SLC24A2: variants seen among roughly 807,000 people sequenced by gnomAD.
The protein encoded by SLC24A2 is sodium/potassium/calcium exchanger 2.
SLC24A2 carries 36 observed loss-of-function variants against 62.0 expected under a neutral mutation model. That is an observed-to-expected ratio of 0.58 (90% confidence interval 0.44 to 0.77). SLC24A2 has a LOEUF of 0.77. Ranked by LOEUF, SLC24A2 falls within the 30% of genes least tolerant of loss-of-function variation. The probability of loss-of-function intolerance (pLI) is 0.00; values close to 1 mark genes in which losing one functional copy is unlikely to be tolerated. For synonymous variants in SLC24A2, 358 were observed against 294.0 expected (o/e 1.22, Z -2.23); for missense variants, 846 against 817.9 (o/e 1.03, Z -0.42).
At chr9:19,650,833 G>A (rs1027597490) in intron 2 of SLC24A2, among the ~76,000 whole-genome samples, 4 of 151,846 alleles carry the variant, frequency 2.6e-5, no homozygotes, top group Admixed American at 2.0e-4. Flanking sequence ...GTGTGTGTGT[G>A]TGTGTGTGTG....
chr9:19,830,645 AG>A, the SLC24A2 span, among the ~76,000 whole-genome samples: 1 of 152,172 alleles, frequency 6.6e-6, no homozygotes, highest in Admixed American at 6.5e-5. Context: ...GGCCACAAAA[AG>A]TTCATCTGAG....
chr9:19,878,368 T>C, the SLC24A2 span, among the ~76,000 whole-genome samples: 65 of 152,336 alleles, frequency 4.3e-4, no homozygotes, highest in East Asian at 0.011. Flanking sequence ...GGATGAGCAC[T>C]TGGATTTTTA....
intron 8 of SLC24A2, among the ~76,000 whole-genome samples, chr9:19,530,545 A>G (rs983640990): frequency 2.0e-5 from 3 of 152,234 alleles, no homozygotes; most frequent in African/African-American, 4.8e-5. Flanking sequence ...GAATCAAATC[A>G]TTTGAACATA....
intron 2 of SLC24A2, among the ~76,000 whole-genome samples, chr9:19,749,566 T>C (rs1821925453): frequency 6.6e-6 from 1 of 152,180 alleles, no homozygotes; most frequent in Admixed American, 6.6e-5. Flanking sequence ...CTAGGCATTA[T>C]AAGAAATGTT....
rs1832846620 is a variant in SLC24A2 at position 19,514,336 on chromosome 9, G to T, written c.*1817C>A. 6.6e-6 allele frequency: 1 copy of T among 152,172 alleles called. No homozygotes were observed. The highest frequency in any genetic ancestry group is 1.5e-5 in the Non-Finnish European group (1 of 68,038). 9.4% of individuals were successfully genotyped at this position (152,172 alleles called of 1,614,324 possible). On this transcript the variant is annotated 3_prime_UTR_variant, in exon 11 of 11. Coordinates refer to ENST00000341998, the MANE Select transcript of SLC24A2 (RefSeq NM_020344.4). ...GGCGTCAATGACAGAATAGATTGGAGATAGGAACACATATGGTGAAATTTC... is the reference window on the plus strand; with the variant it reads ...GGCGTCAATGACAGAATAGATTGGATATAGGAACACATATGGTGAAATTTC...
the SLC24A2 span, among the ~76,000 whole-genome samples, chr9:20,251,915 T>C: frequency 6.6e-6 from 1 of 152,212 alleles, no homozygotes; most frequent in Non-Finnish European, 1.5e-5. Flanking sequence ...AGAACGGGAT[T>C]GGCCTGCCTC....
At chr9:19,780,552 C>T (rs896020526) in intron 2 of SLC24A2, among the ~76,000 whole-genome samples, 4 of 151,578 alleles carry the variant, frequency 2.6e-5, no homozygotes, top group African/African-American at 9.7e-5. Flanking sequence ...AGGTGTGAGC[C>T]ACCGCGCCCG....
chr9:19,707,554 C>T (rs978609258), intron 2 of SLC24A2, among the ~76,000 whole-genome samples: 1 of 150,762 alleles, frequency 6.6e-6, no homozygotes, highest in African/African-American at 2.5e-5. Context: ...AGCTTATCCA[C>T]CATGATCAAG....
At chr9:19,824,477 C>T in the SLC24A2 span, among the ~76,000 whole-genome samples, 1 of 152,190 alleles carries the variant, frequency 6.6e-6, no homozygotes, top group African/African-American at 2.4e-5. Flanking sequence ...GAGATACCAT[C>T]TCATGTCAGT....
the SLC24A2 span, among the ~76,000 whole-genome samples, chr9:19,856,118 T>C: frequency 6.6e-6 from 1 of 152,220 alleles, no homozygotes; most frequent in Admixed American, 6.5e-5. Context: ...TTGTGTTGTG[T>C]TTTTCAGCTC....
At chr9:20,205,649 T>TAAAAAAA in the SLC24A2 span, among the ~76,000 whole-genome samples, 8 of 65,340 alleles carry the variant, frequency 1.2e-4, no homozygotes, top group African/African-American at 3.3e-4. Flanking sequence ...AGACTCCATC[T>TAAAAAAA]AAAAAAAAAA....
chr9:19,943,588 A>C, the SLC24A2 span, among the ~76,000 whole-genome samples: 1 of 152,204 alleles, frequency 6.6e-6, no homozygotes, highest in Non-Finnish European at 1.5e-5. Context: ...TACTAAAAGA[A>C]AACTCAAGAG....
intron 2 of SLC24A2, among the ~76,000 whole-genome samples, chr9:19,729,675 T>C (rs1027059460): frequency 3.0e-4 from 46 of 151,858 alleles, no homozygotes; most frequent in African/African-American, 9.9e-4. Flanking sequence ...GGTGATCTCA[T>C]AGAAGTAAAA....
chr9:20,128,019 C>T, the SLC24A2 span, among the ~76,000 whole-genome samples: 21 of 152,076 alleles, frequency 1.4e-4, no homozygotes, highest in East Asian at 3.7e-3. Flanking sequence ...TGTAGGAATG[C>T]CAATTCCATT....
chr9:19,940,723 C>T, the SLC24A2 span, among the ~76,000 whole-genome samples: 1 of 152,182 alleles, frequency 6.6e-6, no homozygotes, highest in Non-Finnish European at 1.5e-5. Context: ...TGAGAAGTTA[C>T]AAAAAGGTGA....
chr9:20,075,422 G>C, the SLC24A2 span, among the ~76,000 whole-genome samples: 3 of 152,102 alleles, frequency 2.0e-5, no homozygotes, highest in Non-Finnish European at 2.9e-5. Context: ...TGTGTCACTG[G>C]ACTCCAAAGA....
At chr9:19,577,146 C>A (rs139437572) in intron 5 of SLC24A2, 124 bp from the exon 6 acceptor site, 1 of 788,402 alleles carries the variant, frequency 1.3e-6, no homozygotes, top group Non-Finnish European at 2.3e-6. Flanking sequence ...TTCTGTCCAA[C>A]CCCAATGCAC....
chr9:19,797,493 C>T, the SLC24A2 span, among the ~76,000 whole-genome samples: 11 of 152,262 alleles, frequency 7.2e-5, no homozygotes, highest in East Asian at 3.9e-4. Flanking sequence ...TGCTTGGATG[C>T]GACCTGCCAA....
At chr9:19,688,149 T>C (rs936524318) in intron 2 of SLC24A2, among the ~76,000 whole-genome samples, 1 of 152,150 alleles carries the variant, frequency 6.6e-6, no homozygotes, top group Non-Finnish European at 1.5e-5. Flanking sequence ...TAAGGTGCTA[T>C]TAAATGTGCA....
Sources: gnomAD v4.1 joint callset for allele counts (sites outside exome capture counted in the v4.1 genomes callset) on GRCh38, gnomAD v4.1.1 for gene constraint, MANE v1.5 for transcripts, NCBI Gene and HGNC (gene_info 2026-07-23, HGNC 2026-07-21) for gene names.